Variants in LMNB1 observed in about 807,000 individuals in gnomAD.
LMNB1 encodes lamin-B1.
LMNB1 carries 23 observed loss-of-function variants against 67.1 expected under a neutral mutation model. The observed-to-expected ratio is 0.34, with a 90% CI of 0.25 to 0.49. The LOEUF is 0.49. LMNB1 is among the 20% of genes least tolerant of loss of function. LMNB1 has a pLI of 0.99. For missense variants in LMNB1, 634 were observed against 746.5 expected, an observed-to-expected ratio of 0.85 and a Z score of 1.76; for synonymous variants, 281 against 282.9, an observed-to-expected ratio of 0.99 and a Z score of 0.07.
chr5:126,810,372 CT>C, intron 4 of LMNB1, 22 bp downstream of exon 4: 1 of 1,547,898 alleles, frequency 6.5e-7, no homozygotes. Context: ...TCAGAAGATT[CT>C]TTTGAACACT....
Position 126,826,061 on chromosome 5 carries a change from G to A in LMNB1, c.1565G>A (p.Gly522Asp). The A allele has an allele frequency of 6.2e-7, 1 of 1,614,026 alleles. No homozygotes were observed. Among genetic ancestry groups the A allele is most frequent in the Non-Finnish European group, 8.5e-7 (1 of 1,179,940 alleles). Residue 522 changes from glycine to aspartate, a missense_variant, in exon 9 of 11, where the codon GGC becomes GAC. Gly to Asp is a moderately conservative substitution (Grantham distance 94). Transcript: ENST00000261366. ...DLIWKNQNSW[G>D]TGEDVKVILK... ...ATCTGGAAGAACCAGAACTCGTGGG[G>A]CACTGGCGAAGATGTGAAGGTTATA...
intron 1 of LMNB1, among the ~76,000 whole-genome samples, chr5:126,798,466 C>A (rs1275724626): frequency 6.6e-6 from 1 of 152,030 alleles, no homozygotes; most frequent in Non-Finnish European, 1.5e-5. Context: ...AACAAACAAA[C>A]AAAAAAACTC....
intron 8 of LMNB1, 62 bp from the exon 9 acceptor site, chr5:126,825,926 C>A (rs1751984925): frequency 6.2e-7 from 1 of 1,608,120 alleles, no homozygotes; most frequent in African/African-American, 1.3e-5. Context: ...CATCGCATTG[C>A]TGTCGTTGGC....
intron 1 of LMNB1, among the ~76,000 whole-genome samples, chr5:126,786,109 T>G (rs1750773159): frequency 1.5e-5 from 2 of 129,532 alleles, no homozygotes; most frequent in South Asian, 5.2e-4. Flanking sequence ...TTACAGACAT[T>G]ATCTTTTTTT....
In LMNB1 at chr5:126,836,918, G is replaced by T. The variant is rs1202818725; in HGVS notation, c.*654G>T. On this transcript the variant is annotated 3_prime_UTR_variant, in exon 11 of 11. Transcript: ENST00000261366. ...GGGGGAGGGAGGTGGAGGGAGGGAA[G>T]GGTTTCTCTATTAAAATGCATTCGT... The T allele has an allele frequency of 2.5e-6, 1 of 397,248 alleles. No individual in the cohort carries two copies. Among genetic ancestry groups the T allele is most frequent in the Non-Finnish European group, 4.4e-6 (1 of 225,558 alleles). 24.6% of individuals were successfully genotyped at this position (397,248 alleles called of 1,614,324 possible). A position where few individuals can be genotyped will look rare whatever the true frequency, so the allele number is the denominator to read the frequency against.
chr5:126,797,756 C>G (rs907312791), intron 1 of LMNB1, among the ~76,000 whole-genome samples: 5 of 151,482 alleles, frequency 3.3e-5, no homozygotes, highest in Non-Finnish European at 7.4e-5. Context: ...CCCCATGTAT[C>G]CTTGACAACT....
intron 2 of LMNB1, 33 bp downstream of exon 2, chr5:126,804,965 A>G (rs1243690241): frequency 6.3e-7 from 1 of 1,587,610 alleles, no homozygotes; most frequent in Non-Finnish European, 8.6e-7. Context: ...GCCGTATGTG[A>G]CAGGTTAATT....
Position 126,805,755 on chromosome 5 carries a change from A to G in LMNB1, c.642+59A>G, listed in dbSNP as rs1580540081. The G allele has an allele frequency of 2.7e-6, 3 of 1,097,006 alleles. No individual in the cohort carries two copies. In the East Asian group the frequency reaches 7.4e-5, roughly 27 times the overall value. 68.0% of individuals were successfully genotyped at this position (1,097,006 alleles called of 1,614,324 possible). A position where few individuals can be genotyped will look rare whatever the true frequency, so the allele number is the denominator to read the frequency against. On this transcript the variant is annotated intron_variant, in intron 3 of 10. Coordinates refer to ENST00000261366, the MANE Select transcript of LMNB1 (RefSeq NM_005573.4). ...GGAGGGGTTCTAGAATGACTTTGTCATAGCTAAACATGTAATTATATTTTA... is the reference window on the plus strand; with the variant it reads ...GGAGGGGTTCTAGAATGACTTTGTCGTAGCTAAACATGTAATTATATTTTA...
chr5:126,781,563 A>G (rs1437785611), intron 1 of LMNB1, among the ~76,000 whole-genome samples: 1 of 151,824 alleles, frequency 6.6e-6, no homozygotes, highest in African/African-American at 2.4e-5. Context: ...CAGCCTCCCA[A>G]GTAGCTGGGA....
At chr5:126,804,958 G>C (rs377227306) in intron 2 of LMNB1, 26 bp downstream of exon 2, 1 of 1,594,714 alleles carries the variant, frequency 6.3e-7, no homozygotes, top group East Asian at 2.3e-5. Context: ...CTCTTGAGCC[G>C]TATGTGACAG....
At chr5:126,804,685 T>G (rs1751372058) in intron 1 of LMNB1, 91 bp from the exon 2 acceptor site, 3 of 1,193,728 alleles carry the variant, frequency 2.5e-6, no homozygotes, top group East Asian at 5.0e-5. Flanking sequence ...TTATTTAAAC[T>G]ACTTCTTTTG....
chr5:126,781,908 G>C (rs902065926), intron 1 of LMNB1, among the ~76,000 whole-genome samples: 4 of 152,170 alleles, frequency 2.6e-5, no homozygotes, highest in African/African-American at 9.7e-5. Context: ...GGAAATGCTT[G>C]GTCTAAAGAG....
chr5:126,796,949 C>T (rs1265745676), intron 1 of LMNB1, among the ~76,000 whole-genome samples: 1 of 152,046 alleles, frequency 6.6e-6, no homozygotes, highest in Non-Finnish European at 1.5e-5. Flanking sequence ...CCACCATGTC[C>T]GGCTAATTTT....
Position 126,826,808 on chromosome 5 carries a change from G to A in LMNB1, c.1611+701G>A, listed in dbSNP as rs539141411. ...TCACCTTATCCAGGTGCTGTACCAC[G>A]CATCACTGAGCCTCTGTTTAGAATT... On this transcript the variant is annotated intron_variant, in intron 9 of 10. Coordinates refer to ENST00000261366, the MANE Select transcript of LMNB1 (RefSeq NM_005573.4). 4.6e-5 allele frequency among the ~76,000 whole-genome samples: 7 copies of A among 152,308 alleles called. No homozygotes were observed. The South Asian group carries it at 6.2e-4, about 14-fold the overall frequency.
At chr5:126,811,622 A>G in intron 4 of LMNB1, 151 bp from the exon 5 acceptor site, 1 of 578,872 alleles carries the variant, frequency 1.7e-6, no homozygotes, top group Non-Finnish European at 3.0e-6. Flanking sequence ...ACCATCATTC[A>G]CACCATATCA....
chr5:126,797,756 C>T (rs907312791), intron 1 of LMNB1, among the ~76,000 whole-genome samples: 3 of 151,482 alleles, frequency 2.0e-5, no homozygotes, highest in South Asian at 2.1e-4. Flanking sequence ...CCCCATGTAT[C>T]CTTGACAACT....
chr5:126,831,018 T>G (rs1319372891), intron 9 of LMNB1, among the ~76,000 whole-genome samples: 2 of 152,214 alleles, frequency 1.3e-5, no homozygotes, highest in Non-Finnish European at 2.9e-5. Context: ...AGGCTCAAAA[T>G]GGTCCATCTT....
At chr5:126,778,877 A>T (rs1750552926) in intron 1 of LMNB1, among the ~76,000 whole-genome samples, 1 of 152,304 alleles carries the variant, frequency 6.6e-6, no homozygotes, top group Middle Eastern at 3.4e-3. Flanking sequence ...CACCTAAGCG[A>T]GTGCGAGTTT....
chr5:126,790,388 A>G (rs375205965), intron 1 of LMNB1, among the ~76,000 whole-genome samples: 16 of 152,212 alleles, frequency 1.1e-4, no homozygotes, highest in South Asian at 6.2e-4. Flanking sequence ...TTACAGATGT[A>G]AGCCACCACA....
Sources: allele counts gnomAD v4.1 joint callset (sites outside exome capture counted in the v4.1 genomes callset), GRCh38; gene constraint gnomAD v4.1.1; transcripts MANE v1.5; gene names NCBI Gene and HGNC (gene_info 2026-07-23, HGNC 2026-07-21).